SH3GL2: variants seen among roughly 807,000 people sequenced by gnomAD.
The protein encoded by SH3GL2 is endophilin-A1.
A neutral mutation model predicts 46.0 loss-of-function variants in SH3GL2; 24 were observed. That is an observed-to-expected ratio of 0.52 (90% CI 0.38 to 0.73). The LOEUF (loss-of-function observed/expected upper bound fraction) is 0.73. Ranked by LOEUF, SH3GL2 falls within the 30% of genes least tolerant of loss-of-function variation. SH3GL2 has a pLI of 0.00. For missense variants in SH3GL2, 413 were observed against 424.2 expected (o/e 0.97, Z 0.23); for synonymous variants, 196 against 147.1 (o/e 1.33, Z -2.40).
chr9:17,676,687 G>C (rs1411524757), intron 1 of SH3GL2, among the ~76,000 whole-genome samples: 2 of 152,102 alleles, frequency 1.3e-5, no homozygotes, highest in East Asian at 1.9e-4. Context: ...CCCTGAAAGT[G>C]GCATTTTGCT....
chr9:17,690,106 A>T (rs1821035030), intron 1 of SH3GL2, among the ~76,000 whole-genome samples: 1 of 152,098 alleles, frequency 6.6e-6, no homozygotes, highest in African/African-American at 2.4e-5. Flanking sequence ...TTGTGCCTGT[A>T]TGAGACTTTG....
At chr9:17,762,141 A>C (rs1209157155) in intron 3 of SH3GL2, among the ~76,000 whole-genome samples, 1 of 152,218 alleles carries the variant, frequency 6.6e-6, no homozygotes, top group East Asian at 1.9e-4. Context: ...AAAGCAAAGC[A>C]AAGCAGCCTA....
At chr9:17,709,383 T>C (rs1351178753) in intron 1 of SH3GL2, among the ~76,000 whole-genome samples, 1 of 152,014 alleles carries the variant, frequency 6.6e-6, no homozygotes, top group African/African-American at 2.4e-5. Flanking sequence ...ATTTCTTGTG[T>C]AGCAAGTCCA....
At chr9:17,793,710 A>G (rs371342973) in intron 8 of SH3GL2, among the ~76,000 whole-genome samples, 4 of 151,982 alleles carry the variant, frequency 2.6e-5, no homozygotes, top group Non-Finnish European at 4.4e-5. Context: ...ATTCTTCTCT[A>G]TAAAACTTTC....
intron 2 of SH3GL2, among the ~76,000 whole-genome samples, chr9:17,747,447 C>T (rs1822723226): frequency 6.6e-6 from 1 of 151,974 alleles, no homozygotes; most frequent in Non-Finnish European, 1.5e-5. Context: ...GGGTGAGATG[C>T]GTAGAAAAGA....
intron 1 of SH3GL2, among the ~76,000 whole-genome samples, chr9:17,617,360 A>G (rs1010274431): frequency 3.9e-5 from 6 of 152,224 alleles, no homozygotes; most frequent in African/African-American, 1.2e-4. Context: ...TTAGATCTCT[A>G]TCATTGTTTC....
At chr9:17,648,373 A>T (rs567241244) in intron 1 of SH3GL2, among the ~76,000 whole-genome samples, 24 of 152,176 alleles carry the variant, frequency 1.6e-4, no homozygotes, top group Non-Finnish European at 3.1e-4. Flanking sequence ...TATCTACACA[A>T]AGGTACATAG....
intron 1 of SH3GL2, among the ~76,000 whole-genome samples, chr9:17,657,021 T>C (rs10810817): frequency 0.39 from 58,896 of 151,960 alleles, 12,317 homozygotes; most frequent in South Asian, 0.58. Context: ...TCTGATACTA[T>C]AGACATAAAA....
At chr9:17,740,164 G>C (rs996344009) in intron 1 of SH3GL2, among the ~76,000 whole-genome samples, 2 of 152,024 alleles carry the variant, frequency 1.3e-5, no homozygotes, top group Non-Finnish European at 2.9e-5. Context: ...TCTCAATTTA[G>C]ATAGACAAAA....
chr9:17,684,639 C>T (rs1265109741), intron 1 of SH3GL2, among the ~76,000 whole-genome samples: 1 of 152,032 alleles, frequency 6.6e-6, no homozygotes, highest in African/African-American at 2.4e-5. Flanking sequence ...AGAATGAATA[C>T]CCTGCAACAC....
At chr9:17,657,562 A>G (rs556034185) in intron 1 of SH3GL2, among the ~76,000 whole-genome samples, 2 of 152,326 alleles carry the variant, frequency 1.3e-5, no homozygotes, top group East Asian at 1.9e-4. Context: ...TAAGGAAAGT[A>G]GTAAAACTAC....
At chr9:17,597,250 A>G (rs1426632179) in intron 1 of SH3GL2, among the ~76,000 whole-genome samples, 1 of 152,212 alleles carries the variant, frequency 6.6e-6, no homozygotes, top group East Asian at 1.9e-4. Context: ...GTCCTGGCAC[A>G]GTGGCTCACG....
chr9:17,727,158 GCAA>G (rs1300486984), intron 1 of SH3GL2, among the ~76,000 whole-genome samples: 1 of 152,198 alleles, frequency 6.6e-6, no homozygotes, highest in East Asian at 1.9e-4. Flanking sequence ...TCTACAGAGA[GCAA>G]CATATATAAG....
chr9:17,606,825 A>T (rs1441800572), intron 1 of SH3GL2, among the ~76,000 whole-genome samples: 1 of 152,166 alleles, frequency 6.6e-6, no homozygotes, highest in Non-Finnish European at 1.5e-5. Flanking sequence ...AAAATTCAAG[A>T]TGTATTTTGG....
In SH3GL2 at chr9:17,787,623, G is replaced by A. The variant is rs936285467; in HGVS notation, c.465+110G>A. ...GCTTACCCTGTGTGTTGTCAGCTCT[G>A]GGCACGTTAATTACAAAACAACCCA... On this transcript the variant is annotated intron_variant, in intron 5 of 8. Transcript: ENST00000380607. 1.4e-5 allele frequency: 11 copies of A among 813,422 alleles called. No individual in the cohort carries two copies. The African/African-American group carries it at 1.4e-4, about 10-fold the overall frequency. 50.4% of individuals were successfully genotyped at this position (813,422 alleles called of 1,614,324 possible).
At chr9:17,653,975 C>G (rs1443543980) in intron 1 of SH3GL2, 3 of 353,086 alleles carry the variant, frequency 8.5e-6, no homozygotes, top group Non-Finnish European at 1.2e-5. Flanking sequence ...CTGGGAAGAG[C>G]AGTTGTGTGC....
chr9:17,693,199 G>A (rs1208604755), intron 1 of SH3GL2, among the ~76,000 whole-genome samples: 1 of 152,160 alleles, frequency 6.6e-6, no homozygotes, highest in Non-Finnish European at 1.5e-5. Context: ...AATTTACTGA[G>A]TGTCTGTTTT....
At chr9:17,637,635 G>A (rs1819570468) in intron 1 of SH3GL2, among the ~76,000 whole-genome samples, 1 of 152,180 alleles carries the variant, frequency 6.6e-6, no homozygotes, top group Admixed American at 6.5e-5. Context: ...TTGTTTACTA[G>A]CCATGTGCCT....
intron 1 of SH3GL2, among the ~76,000 whole-genome samples, chr9:17,713,035 A>T (rs1033322717): frequency 2.0e-5 from 3 of 151,346 alleles, no homozygotes; most frequent in Non-Finnish European, 4.4e-5. Flanking sequence ...GCCCTTTTTA[A>T]AGTTTAAGGG....
Sources: allele counts gnomAD v4.1 joint callset (sites outside exome capture counted in the v4.1 genomes callset), GRCh38; gene constraint gnomAD v4.1.1; transcripts MANE v1.5; gene names NCBI Gene and HGNC (gene_info 2026-07-23, HGNC 2026-07-21).